Variants in DPP6 observed in about 807,000 individuals in gnomAD.
The protein encoded by DPP6 is A-type potassium channel modulatory protein DPP6.
Under a neutral mutation model 122.6 loss-of-function variants are expected in DPP6, and 69 were observed. The observed-to-expected ratio is 0.56, with a 90% CI of 0.46 to 0.69. DPP6 has a LOEUF of 0.69. Among genes scored for constraint, DPP6 ranks in the 30% least tolerant of loss-of-function variants. DPP6 has a pLI of 0.00. For missense variants in DPP6, 928 were observed against 1,116.9 expected, an observed-to-expected ratio of 0.83 and a Z score of 2.41; for synonymous variants, 418 against 433.1, an observed-to-expected ratio of 0.97 and a Z score of 0.43.
chr7:153,870,514 G>A, the DPP6 span, among the ~76,000 whole-genome samples: 3 of 152,138 alleles, frequency 2.0e-5, no homozygotes, highest in Non-Finnish European at 4.4e-5. Context: ...GGTCCTTTAA[G>A]GACTTCTCTG....
At chr7:154,421,654 A>C (rs918785420) in intron 1 of DPP6, among the ~76,000 whole-genome samples, 1 of 23,224 alleles carries the variant, frequency 4.3e-5, no homozygotes, top group African/African-American at 7.8e-5. Context: ...CCTTAGAAAG[A>C]GGGGATTGGA....
intron 1 of DPP6, among the ~76,000 whole-genome samples, chr7:154,218,075 C>T (rs1040507697): frequency 1.3e-5 from 2 of 152,324 alleles, no homozygotes; most frequent in East Asian, 1.9e-4. Flanking sequence ...TGAAGCCCTT[C>T]GCATTTAAAA....
At chr7:153,984,053 AAC>A (rs528640069) in intron 1 of DPP6, among the ~76,000 whole-genome samples, 38,258 of 131,488 alleles carry the variant, frequency 0.29, 5,550 homozygotes, top group Non-Finnish European at 0.34. Context: ...TTCTGTCCAT[AAC>A]ACACACACAC....
intron 3 of DPP6, among the ~76,000 whole-genome samples, chr7:154,500,764 A>G (rs1825170661): frequency 6.6e-6 from 1 of 152,254 alleles, no homozygotes; most frequent in Non-Finnish European, 1.5e-5. Context: ...GGACTAATAC[A>G]GTAAATTGGT....
chr7:153,763,816 T>C, the DPP6 span, among the ~76,000 whole-genome samples: 7 of 152,144 alleles, frequency 4.6e-5, no homozygotes, highest in South Asian at 4.1e-4. Context: ...ATACATTTGT[T>C]TGTTGTTTTT....
intron 1 of DPP6, among the ~76,000 whole-genome samples, chr7:154,160,904 C>T (rs1035532944): frequency 6.6e-6 from 1 of 152,020 alleles, no homozygotes; most frequent in South Asian, 2.1e-4. Flanking sequence ...CATGCAAAAC[C>T]GCCGACAGCA....
intron 9 of DPP6, among the ~76,000 whole-genome samples, chr7:154,769,876 C>G (rs958479682): frequency 1.3e-5 from 2 of 152,158 alleles, no homozygotes; most frequent in African/African-American, 2.4e-5. Flanking sequence ...CCTGCCCTCT[C>G]TCACGCATCT....
intron 16 of DPP6, among the ~76,000 whole-genome samples, chr7:154,810,822 C>T (rs909688464): frequency 3.9e-5 from 6 of 152,280 alleles, no homozygotes; most frequent in Middle Eastern, 3.4e-3. Context: ...TGGGCACCTC[C>T]ACAATCTCAC....
At chr7:154,362,868 C>G (rs1477050118) in intron 1 of DPP6, among the ~76,000 whole-genome samples, 1 of 152,194 alleles carries the variant, frequency 6.6e-6, no homozygotes, top group African/African-American at 2.4e-5. Flanking sequence ...CCCTGCTCCA[C>G]TACATCAGCA....
At chr7:154,346,416 C>T (rs969457922) in intron 1 of DPP6, among the ~76,000 whole-genome samples, 5 of 152,146 alleles carry the variant, frequency 3.3e-5, no homozygotes, top group African/African-American at 1.2e-4. Context: ...AAGCGATTCT[C>T]CTGCCTCAGC....
chr7:153,940,704 A>T (rs1801657125), intron 1 of DPP6, among the ~76,000 whole-genome samples: 1 of 152,202 alleles, frequency 6.6e-6, no homozygotes, highest in South Asian at 2.1e-4. Flanking sequence ...GAAGACTTTG[A>T]CCCATAGAGA....
intron 5 of DPP6, among the ~76,000 whole-genome samples, chr7:154,586,586 C>G (rs1832465617): frequency 6.6e-6 from 1 of 152,114 alleles, no homozygotes; most frequent in Non-Finnish European, 1.5e-5. Context: ...GACACGGAGC[C>G]CAGCCCCTGA....
At chr7:154,370,251 A>G (rs148899717) in intron 1 of DPP6, among the ~76,000 whole-genome samples, 6 of 152,026 alleles carry the variant, frequency 3.9e-5, no homozygotes, top group African/African-American at 1.4e-4. Context: ...CCAAATTGCT[A>G]GGATTATAGG....
intron 1 of DPP6, among the ~76,000 whole-genome samples, chr7:154,343,725 C>T (rs987306273): frequency 1.1e-4 from 16 of 152,206 alleles, no homozygotes; most frequent in East Asian, 1.9e-4. Flanking sequence ...GGATTACAGG[C>T]GTGTGCCACC....
intron 7 of DPP6, among the ~76,000 whole-genome samples, chr7:154,699,711 T>C (rs1840407474): frequency 1.3e-5 from 2 of 152,176 alleles, no homozygotes; most frequent in Non-Finnish European, 2.9e-5. Context: ...TGCTGCTGAG[T>C]GGCTGGGCCC....
intron 1 of DPP6, among the ~76,000 whole-genome samples, chr7:154,225,975 T>C (rs1179690452): frequency 6.6e-6 from 1 of 151,696 alleles, no homozygotes; most frequent in African/African-American, 2.4e-5. Flanking sequence ...TACCCACTTT[T>C]GATGAATGAG....
At chr7:154,303,405 C>T (rs191820722) in intron 1 of DPP6, among the ~76,000 whole-genome samples, 13 of 152,262 alleles carry the variant, frequency 8.5e-5, no homozygotes, top group Admixed American at 7.8e-4. Flanking sequence ...GGTGACCTTA[C>T]ACCGCAGTGG....
At chr7:154,460,855 C>T (rs897426397) in intron 2 of DPP6, among the ~76,000 whole-genome samples, 2 of 152,112 alleles carry the variant, frequency 1.3e-5, no homozygotes, top group African/African-American at 4.8e-5. Context: ...TGCAAACAAT[C>T]CAATTATACT....
chr7:154,059,851 A>C (rs953451552), intron 1 of DPP6, among the ~76,000 whole-genome samples: 1 of 151,216 alleles, frequency 6.6e-6, no homozygotes, highest in Non-Finnish European at 1.5e-5. Context: ...GGGTTGCTAA[A>C]GGATGGCCCC....
Sources: allele counts gnomAD v4.1 joint callset (sites outside exome capture counted in the v4.1 genomes callset), GRCh38; gene constraint gnomAD v4.1.1; transcripts MANE v1.5; gene names NCBI Gene and HGNC (gene_info 2026-07-23, HGNC 2026-07-21).